MAP3K9: variants seen among roughly 807,000 people sequenced by gnomAD.
The protein encoded by MAP3K9 is mixed lineage kinase 1 (tyr and ser/thr specificity).
Under a neutral mutation model 95.8 loss-of-function variants are expected in MAP3K9, and 46 were observed. The ratio of observed to expected loss-of-function variants is 0.48; its 90% confidence interval spans 0.38 to 0.61. The LOEUF (loss-of-function observed/expected upper bound fraction) is 0.61, where lower values mean the gene tolerates loss of function less well. MAP3K9 is among the 20% of genes least tolerant of loss of function. MAP3K9 has a pLI of 0.00. For synonymous variants in MAP3K9, 533 were observed against 593.8 expected (o/e 0.90, Z 1.49); for missense variants, 1,296 against 1,474.3 (o/e 0.88, Z 1.98).
At position 70,724,241 on chromosome 14, in the gene MAP3K9, G is replaced by A. The variant is rs1167233387; in HGVS notation, c.*6139C>T. On this transcript the variant is annotated 3_prime_UTR_variant, in exon 12 of 12. Transcript: ENST00000554752. ...CACACACACACACAAGTGCCCTCAGGGCTGCAGAGCCAGAAAGGCAGCCAG... is the reference window on the plus strand; with the variant it reads ...CACACACACACACAAGTGCCCTCAGAGCTGCAGAGCCAGAAAGGCAGCCAG... The A allele has an allele frequency of 1.3e-5, 2 of 152,324 alleles. No homozygotes were observed. The highest frequency in any genetic ancestry group is 2.9e-5 in the Non-Finnish European group (2 of 68,072). The allele number at this position is 152,324 out of a possible 1,614,324, so 9.4% of individuals were successfully genotyped here. A position where few individuals can be genotyped will look rare whatever the true frequency, so the allele number is the denominator to read the frequency against.
intron 3 of MAP3K9, among the ~76,000 whole-genome samples, chr14:70,751,911 G>A (rs1434641250): frequency 1.3e-5 from 2 of 152,134 alleles, no homozygotes; most frequent in Admixed American, 1.3e-4. Flanking sequence ...CATACACAGA[G>A]TACATCATGG....
intron 2 of MAP3K9, among the ~76,000 whole-genome samples, chr14:70,790,551 C>T (rs956603858): frequency 6.6e-6 from 1 of 152,310 alleles, no homozygotes; most frequent in Admixed American, 6.5e-5. Flanking sequence ...TACACAGATG[C>T]CCAATTTAAG....
rs561331433 is a variant in MAP3K9, at chr14:70,748,707, T to C, written c.1326+122A>G. ...TAGATACCAAGCTGGAAGGTGGGCA[T>C]GCTAGAATCAAGATGGTCAGTCAGA... On this transcript the variant is annotated intron_variant, in intron 5 of 11. Coordinates refer to ENST00000554752, the MANE Select transcript of MAP3K9 (RefSeq NM_001284230.2). The C allele has an allele frequency of 3.7e-5, 26 of 703,382 alleles. No homozygotes were observed. In the South Asian group the frequency reaches 5.5e-4, roughly 15 times the overall value. 43.6% of individuals were successfully genotyped at this position (703,382 alleles called of 1,614,324 possible).
chr14:70,756,674 A>T (rs1221477900), intron 3 of MAP3K9, among the ~76,000 whole-genome samples: 1 of 152,266 alleles, frequency 6.6e-6, no homozygotes, highest in Non-Finnish European at 1.5e-5. Flanking sequence ...TAATACACAC[A>T]TAACAGTCAC....
intron 7 of MAP3K9, 185 bp downstream of exon 7, chr14:70,739,857 T>C (rs758095505): frequency 1.6e-5 from 24 of 1,531,934 alleles, no homozygotes; most frequent in Non-Finnish European, 1.9e-5. Context: ...GTAGTAAAGT[T>C]AATGGAGAGA....
In MAP3K9 at chr14:70,732,979, A is replaced by G. The variant is rs940301306; in HGVS notation, c.2390T>C (p.Leu797Pro). Residue 797 changes from leucine (L) to proline (P), a missense_variant, in exon 11 of 12, where the codon CTT (leucine) becomes CCT (proline). By Grantham distance (98) the Leu-to-Pro change is moderately conservative. Around this residue, in one of 5 missense-constraint regions of MAP3K9, gnomAD observed 433 missense variants for 441.4 expected, o/e 0.98. Coordinates refer to ENST00000554752, the MANE Select transcript of MAP3K9 (RefSeq NM_001284230.2). ...ACGAGGACGGCTGGACCTCTGAAAA[A>G]GACCCTCCCGTCTTTTCTTCTCCTC... ...AREEKKRREG[L>P]FQRSSRPRRS... 4 of 1,614,078 alleles carry G rather than the reference A, an allele frequency of 2.5e-6. No individual in the cohort carries two copies. Among genetic ancestry groups the G allele is most frequent in the African/African-American group, 2.7e-5 (2 of 75,010 alleles).
In MAP3K9 at chr14:70,795,306, TTTTA is replaced by T. The variant is rs774555251; in HGVS notation, c.820+5357_820+5360del. Among the ~76,000 whole-genome samples the T allele has an allele frequency of 1.4e-4, 21 of 151,006 alleles. No individual in the cohort carries two copies. In the Middle Eastern group the frequency reaches 0.017, roughly 124 times the overall value. Reference sequence around the variant, plus strand: ...CCACCATGCCCAGCCTCTCTTTTTCTTTTATTTATTTATTTTTTTTGAGATAGAG... The same window carrying T: ...CCACCATGCCCAGCCTCTCTTTTTCTTTTATTTATTTTTTTTGAGATAGAG... On this transcript the variant is annotated intron_variant, in intron 2 of 11. Coordinates refer to ENST00000554752, the MANE Select transcript of MAP3K9 (RefSeq NM_001284230.2).
intron 7 of MAP3K9, among the ~76,000 whole-genome samples, chr14:70,739,619 T>C (rs537142501): frequency 2.6e-4 from 39 of 151,890 alleles, no homozygotes; most frequent in Non-Finnish European, 3.7e-4. Flanking sequence ...ATATGGCAAG[T>C]TTCCTTAGGA....
chr14:70,796,834 C>A (rs995586805), intron 2 of MAP3K9, among the ~76,000 whole-genome samples: 1 of 152,140 alleles, frequency 6.6e-6, no homozygotes, highest in South Asian at 2.1e-4. Flanking sequence ...AAAATAGGAG[C>A]CTGGGTCCCA....
rs942107238 is a variant in MAP3K9 at position 70,799,802 on chromosome 14, C to G, written c.820+865G>C. 3.9e-5 allele frequency among the ~76,000 whole-genome samples: 6 copies of G among 152,302 alleles called. No homozygotes were observed. In the East Asian group the frequency reaches 1.2e-3, roughly 29 times the overall value. ...CCTGGGGGCCCATGCTTCCCCCACC[C>G]AAAGTCCTTCAACTCAAATGCCCTC... On this transcript the variant is annotated intron_variant, in intron 2 of 11. Transcript: ENST00000554752.
intron 6 of MAP3K9, 47 bp from the exon 7 acceptor site, chr14:70,740,211 A>T (rs1370315386): frequency 1.3e-6 from 2 of 1,575,300 alleles, no homozygotes; most frequent in Non-Finnish European, 1.7e-6. Flanking sequence ...ATTTCCCATA[A>T]TTAAATTCAT....
intron 8 of MAP3K9, among the ~76,000 whole-genome samples, chr14:70,737,205 T>G (rs1033975594): frequency 1.3e-5 from 2 of 152,184 alleles, no homozygotes. Flanking sequence ...TAAAATTGCA[T>G]GAGAAGCAGG....
At chr14:70,796,814 G>A (rs1396639222) in intron 2 of MAP3K9, among the ~76,000 whole-genome samples, 2 of 152,202 alleles carry the variant, frequency 1.3e-5, no homozygotes, top group African/African-American at 2.4e-5. Flanking sequence ...GTACTGGGAT[G>A]AGGGAGTGAA....
At chr14:70,739,351 C>G (rs1299053385) in intron 7 of MAP3K9, among the ~76,000 whole-genome samples, 1 of 152,138 alleles carries the variant, frequency 6.6e-6, no homozygotes, top group South Asian at 2.1e-4. Flanking sequence ...AGGATGGTCT[C>G]GATCTCCTGA....
intron 2 of MAP3K9, among the ~76,000 whole-genome samples, chr14:70,780,830 A>G (rs917168698): frequency 6.6e-6 from 1 of 152,226 alleles, no homozygotes; most frequent in Non-Finnish European, 1.5e-5. Flanking sequence ...ACCCAGCTAC[A>G]TACCAGATAA....
chr14:70,752,048 C>T (rs780079220), intron 3 of MAP3K9, among the ~76,000 whole-genome samples: 9 of 152,170 alleles, frequency 5.9e-5, no homozygotes, highest in Non-Finnish European at 1.0e-4. Context: ...CATCAGATGA[C>T]GGCTTTACCC....
chr14:70,776,378 T>C (rs909901020), intron 2 of MAP3K9, among the ~76,000 whole-genome samples: 10 of 151,960 alleles, frequency 6.6e-5, no homozygotes, highest in African/African-American at 1.5e-4. Flanking sequence ...GGGGAGGGTG[T>C]TGATGGGCAG....
At chr14:70,767,269 AG>A (rs1481327194) in intron 2 of MAP3K9, among the ~76,000 whole-genome samples, 1 of 151,034 alleles carries the variant, frequency 6.6e-6, no homozygotes, top group African/African-American at 2.4e-5. Context: ...TTGTAGTCCC[AG>A]CTACTTGGAA....
intron 2 of MAP3K9, among the ~76,000 whole-genome samples, chr14:70,795,807 G>A (rs2054858445): frequency 6.7e-6 from 1 of 149,614 alleles, no homozygotes; most frequent in African/African-American, 2.5e-5. Flanking sequence ...CACCCAGGCT[G>A]GAGTGCAGTG....
Sources: gnomAD v4.1 joint callset for allele counts (sites outside exome capture counted in the v4.1 genomes callset) on GRCh38, gnomAD v4.1.1 for gene constraint, gnomAD v4.1.1 regional missense constraint, MANE v1.5 for transcripts, NCBI Gene and HGNC (gene_info 2026-07-23, HGNC 2026-07-21) for gene names.